The following ZFPM2 variants were observed in gnomAD, a reference collection of about 807,000 sequenced individuals.
The protein encoded by ZFPM2 is zinc finger protein, FOG family member 2, also known as zinc finger protein ZFPM2.
ZFPM2 carries 20 observed loss-of-function variants against 98.6 expected under a neutral mutation model. The observed-to-expected ratio is 0.20, with a 90% confidence interval of 0.14 to 0.29. The LOEUF (loss-of-function observed/expected upper bound fraction) is 0.29, where lower values mean the gene tolerates loss of function less well. Among genes scored for constraint, ZFPM2 ranks in the 10% least tolerant of loss-of-function variants. The pLI is 1.00. For missense variants in ZFPM2, 1,310 were observed against 1,388.6 expected (o/e 0.94, Z 0.90); for synonymous variants, 518 against 502.7 (o/e 1.03, Z -0.41).
At chr8:105,400,040 T>G (rs1811306346) in intron 1 of ZFPM2, among the ~76,000 whole-genome samples, 1 of 152,182 alleles carries the variant, frequency 6.6e-6, no homozygotes, top group Non-Finnish European at 1.5e-5. Flanking sequence ...AGTGCTAGGA[T>G]TACAGGTGTG....
At chr8:105,610,581 A>G (rs1816288369) in intron 4 of ZFPM2, among the ~76,000 whole-genome samples, 1 of 152,202 alleles carries the variant, frequency 6.6e-6, no homozygotes, top group Non-Finnish European at 1.5e-5. Context: ...GCCAAATTGC[A>G]TTAAACTCTC....
chr8:105,801,958 A>C lies in ZFPM2; in HGVS notation c.1876A>C (p.Ile626Leu). The change falls in exon 8 of 8, where the codon ATC becomes CTC. Residue 626 changes from isoleucine to leucine, a missense_variant. Coordinates refer to ENST00000407775, the MANE Select transcript of ZFPM2 (RefSeq NM_012082.4). ...PENPLLQTSCINSSTVLDLIG... is the reference protein window; with the variant it reads ...PENPLLQTSCLNSSTVLDLIG... ...GAATCCACTTCTTCAAACATCTTGC[A>C]TCAATTCTTCCACTGTCTTAGATTT... The C allele has an allele frequency of 6.2e-7, 1 of 1,613,848 alleles. No individual in the cohort carries two copies. Among genetic ancestry groups the C allele is most frequent in the Non-Finnish European group, 8.5e-7 (1 of 1,179,854 alleles).
At position 105,801,141 on chromosome 8, in the gene ZFPM2, C is replaced by G; in HGVS notation, c.1059C>G (p.His353Gln). The G allele has an allele frequency of 2.5e-6, 4 of 1,613,960 alleles. No individual in the cohort carries two copies. The highest frequency in any genetic ancestry group is 3.4e-6 in the Non-Finnish European group (4 of 1,179,884). Reference sequence around the variant, plus strand: ...ATTCCGTGATCAACTTTCACCAACACCTGTTCTCCCATCTCACTCAAGCTG... The same window carrying G: ...ATTCCGTGATCAACTTTCACCAACAGCTGTTCTCCCATCTCACTCAAGCTG... ...TADSVINFHQ[H>Q]LFSHLTQAAF... Residue 353 changes from histidine (H) to glutamine (Q), a missense_variant, in exon 8 of 8, where the codon CAC becomes CAG. Physicochemically the swap from His to Gln is conservative, Grantham distance 24 (BLOSUM62 0). Transcript: ENST00000407775.
At chr8:105,506,946 C>T (rs1586423476) in intron 3 of ZFPM2, among the ~76,000 whole-genome samples, 1 of 148,792 alleles carries the variant, frequency 6.7e-6, no homozygotes, top group East Asian at 2.0e-4. Flanking sequence ...CAAGATTGCG[C>T]CACTGCACTC....
intron 3 of ZFPM2, among the ~76,000 whole-genome samples, chr8:105,545,286 A>C (rs2130638867): frequency 6.6e-6 from 1 of 152,270 alleles, no homozygotes; most frequent in South Asian, 2.1e-4. Context: ...TTTTTAATGT[A>C]ATTGTCCATT....
chr8:105,663,637 T>C (rs527688813), intron 5 of ZFPM2, among the ~76,000 whole-genome samples: 16 of 152,214 alleles, frequency 1.1e-4, no homozygotes, highest in Non-Finnish European at 2.4e-4. Context: ...GGACATTTGC[T>C]TTTACCATCT....
chr8:105,551,034 T>A (rs992906837), intron 3 of ZFPM2, among the ~76,000 whole-genome samples: 3 of 152,200 alleles, frequency 2.0e-5, no homozygotes, highest in African/African-American at 7.2e-5. Context: ...CTTTTGGAGG[T>A]ATTTTCTGAA....
chr8:105,396,399 G>A (rs1253091179), intron 1 of ZFPM2, among the ~76,000 whole-genome samples: 1 of 152,130 alleles, frequency 6.6e-6, no homozygotes, highest in East Asian at 1.9e-4. Flanking sequence ...TGAACACTGT[G>A]TACCTATTCA....
At chr8:105,719,964 A>G (rs1811618426) in intron 5 of ZFPM2, among the ~76,000 whole-genome samples, 1 of 151,952 alleles carries the variant, frequency 6.6e-6, no homozygotes, top group African/African-American at 2.4e-5. Flanking sequence ...TGCATTTAGA[A>G]ATAATGGTAT....
In ZFPM2 at chr8:105,591,468, T is replaced by C. The variant is rs571723042; in HGVS notation, c.420+29987T>C. 3.2e-4 allele frequency among the ~76,000 whole-genome samples: 48 copies of C among 152,268 alleles called. 1 individual carries two copies. In the South Asian group the frequency reaches 8.1e-3, roughly 26 times the overall value. On this transcript the variant is annotated intron_variant, in intron 4 of 7. Transcript: ENST00000407775. ...ATAGACAGTACTGTAAATACAGCTT[T>C]TAATCAAGACATTGGAAAAATGTTA... is the stretch of plus-strand genomic sequence containing the variant.
intron 1 of ZFPM2, among the ~76,000 whole-genome samples, chr8:105,392,204 G>A (rs1811123053): frequency 6.6e-6 from 1 of 152,216 alleles, no homozygotes; most frequent in East Asian, 1.9e-4. Flanking sequence ...TCAACAGAGG[G>A]CTTGAAATAC....
At chr8:105,732,593 G>T (rs931273184) in intron 5 of ZFPM2, among the ~76,000 whole-genome samples, 18 of 151,954 alleles carry the variant, frequency 1.2e-4, no homozygotes, top group African/African-American at 4.3e-4. Flanking sequence ...ATTAGGAGAA[G>T]ACATCAAATC....
intron 1 of ZFPM2, among the ~76,000 whole-genome samples, chr8:105,404,273 T>C (rs1284710220): frequency 1.3e-5 from 2 of 152,084 alleles, no homozygotes; most frequent in African/African-American, 2.4e-5. Context: ...CTGGAACATA[T>C]TGGAAGTGTA....
At chr8:105,673,446 T>G (rs1335555919) in intron 5 of ZFPM2, among the ~76,000 whole-genome samples, 3 of 152,154 alleles carry the variant, frequency 2.0e-5, no homozygotes, top group Non-Finnish European at 4.4e-5. Context: ...CATAAAATTC[T>G]GAAATGTTCA....
At chr8:105,556,764 C>A (rs1815004267) in intron 3 of ZFPM2, among the ~76,000 whole-genome samples, 1 of 146,164 alleles carries the variant, frequency 6.8e-6, no homozygotes, top group Non-Finnish European at 1.5e-5. Flanking sequence ...GCTCTGTCAC[C>A]CAGGCTGGAG....
intron 5 of ZFPM2, among the ~76,000 whole-genome samples, chr8:105,660,535 A>G (rs1817367846): frequency 6.6e-6 from 1 of 152,252 alleles, no homozygotes; most frequent in Non-Finnish European, 1.5e-5. Context: ...TTTGACAACA[A>G]GCATAGTGGG....
intron 5 of ZFPM2, among the ~76,000 whole-genome samples, chr8:105,721,358 G>C (rs1286919080): frequency 1.3e-5 from 2 of 151,970 alleles, no homozygotes; most frequent in Non-Finnish European, 2.9e-5. Flanking sequence ...CACAGCACAT[G>C]ATGCAAATTT....
intron 3 of ZFPM2, among the ~76,000 whole-genome samples, chr8:105,485,784 T>C (rs1327327668): frequency 6.6e-6 from 1 of 151,950 alleles, no homozygotes; most frequent in Admixed American, 6.6e-5. Flanking sequence ...CTGTAGAACT[T>C]TGATAGTTAA....
intron 1 of ZFPM2, among the ~76,000 whole-genome samples, chr8:105,392,529 A>C (rs547388982): frequency 6.6e-6 from 1 of 152,266 alleles, no homozygotes; most frequent in Admixed American, 6.5e-5. Flanking sequence ...AATATGATAA[A>C]ATTTAACAAA....
Sources: gnomAD v4.1 joint callset for allele counts (sites outside exome capture counted in the v4.1 genomes callset) on GRCh38, gnomAD v4.1.1 for gene constraint, MANE v1.5 for transcripts, NCBI Gene and HGNC (gene_info 2026-07-23, HGNC 2026-07-21) for gene names.